AZIN1: variants seen among roughly 807,000 people sequenced by gnomAD.
AZIN1 encodes antizyme inhibitor 1.
A neutral mutation model predicts 47.4 loss-of-function variants in AZIN1; 12 were observed. The ratio of observed to expected loss-of-function variants is 0.25; its 90% CI spans 0.16 to 0.41. AZIN1 has a LOEUF of 0.41. AZIN1 is among the 10% of genes least tolerant of loss of function. AZIN1 has a pLI of 1.00. For missense variants in AZIN1, 410 were observed against 532.4 expected, an observed-to-expected ratio of 0.77 and a Z score of 2.26; for synonymous variants, 155 against 176.3, an observed-to-expected ratio of 0.88 and a Z score of 0.96.
rs1277280285 is a variant in AZIN1 at position 102,829,149 on chromosome 8, C to T, written c.1235+123G>A. ...ACAAATTCCCATCATTAAGTAACTA[C>T]ACTGTATAGGCAATACATGACTGTA... On this transcript the variant is annotated intron_variant, in intron 11 of 11. Transcript: ENST00000337198. 2.2e-5 allele frequency: 18 copies of T among 821,682 alleles called. No homozygotes were observed. In the Admixed American group the frequency reaches 2.9e-4, roughly 13 times the overall value. The allele number at this position is 821,682 out of a possible 1,614,324, so 50.9% of individuals were successfully genotyped here.
chr8:102,852,480 C>T (rs1812974472), intron 2 of AZIN1, among the ~76,000 whole-genome samples: 1 of 152,042 alleles, frequency 6.6e-6, no homozygotes, highest in African/African-American at 2.4e-5. Context: ...GAGGCTGAGG[C>T]AGGAGAATTG....
In AZIN1 at chr8:102,827,226, T is replaced by C. The variant is rs748417844; in HGVS notation, c.*1341A>G. The C allele has an allele frequency of 6.6e-6, 1 of 152,576 alleles. No individual in the cohort carries two copies. Among genetic ancestry groups the C allele is most frequent in the African/African-American group, 2.4e-5 (1 of 41,456 alleles). The allele number at this position is 152,576 out of a possible 1,614,324, so 9.5% of individuals were successfully genotyped here. A position where few individuals can be genotyped will look rare whatever the true frequency, so the allele number is the denominator to read the frequency against. On this transcript the variant is annotated 3_prime_UTR_variant, in exon 12 of 12. Transcript: ENST00000337198. ...AGGAAAAAATGACCCCTGTTGTTTA[T>C]TACTATTGTGATTCTGAGATCTAGG...
intron 4 of AZIN1, among the ~76,000 whole-genome samples, 180 bp from the exon 5 acceptor site, chr8:102,839,096 G>A (rs1056498677): frequency 6.6e-6 from 1 of 152,206 alleles, no homozygotes; most frequent in Non-Finnish European, 1.5e-5. Flanking sequence ...GGCTGCTCAA[G>A]TGATCCTCCT....
At chr8:102,834,093 A>T in intron 8 of AZIN1, 96 bp downstream of exon 8, 1 of 936,982 alleles carries the variant, frequency 1.1e-6, no homozygotes, top group Non-Finnish European at 1.7e-6. Context: ...TATAGGGTTT[A>T]GTTTCTGCCA....
At chr8:102,857,990 C>A (rs1813400480) in intron 2 of AZIN1, 23 bp downstream of exon 2, 3 of 398,934 alleles carry the variant, frequency 7.5e-6, no homozygotes, top group Non-Finnish European at 1.3e-5. Context: ...CTCCTCCCCA[C>A]CAACAAATGT....
At position 102,850,285 on chromosome 8, in the gene AZIN1, T is replaced by G. The variant is rs116414656; in HGVS notation, c.-95-6538A>C. 4.4e-3 allele frequency: 668 copies of G among 152,350 alleles called. 5 individuals are homozygous for G. The highest frequency in any genetic ancestry group is 0.015 in the African/African-American group (638 of 41,576). The allele number at this position is 152,350 out of a possible 1,614,324, so 9.4% of individuals were successfully genotyped here. On this transcript the variant is annotated intron_variant, in intron 2 of 11. Coordinates refer to ENST00000337198, the MANE Select transcript of AZIN1 (RefSeq NM_148174.4). The stretch of plus-strand genomic sequence containing the variant: ...AAATGAGAAAAGATATTCTGAAATT[T>G]ACACTATTACTGTTACTCTGAAGAT...
chr8:102,859,099 C>T (rs555173711), intron 1 of AZIN1: 1 of 149,966 alleles, frequency 6.7e-6, no homozygotes, highest in Non-Finnish European at 1.5e-5. Context: ...GATCAAGGCA[C>T]TCCTGGTGGA....
intron 9 of AZIN1, among the ~76,000 whole-genome samples, chr8:102,832,758 A>G (rs925058798): frequency 6.6e-6 from 1 of 151,770 alleles, no homozygotes; most frequent in Non-Finnish European, 1.5e-5. Context: ...TTTGTGCCTC[A>G]GCCTCCCGAG....
At chr8:102,839,426 T>C (rs1463954329) in intron 4 of AZIN1, among the ~76,000 whole-genome samples, 1 of 152,182 alleles carries the variant, frequency 6.6e-6, no homozygotes, top group African/African-American at 2.4e-5. Context: ...AGTTTTCAAT[T>C]AATAAAGATA....
chr8:102,839,183 CATAA>C (rs976878793), intron 4 of AZIN1, among the ~76,000 whole-genome samples: 1 of 152,086 alleles, frequency 6.6e-6, no homozygotes, highest in African/African-American at 2.4e-5. Flanking sequence ...TATTTAAAAA[CATAA>C]ATAAATAAAA....
rs187637518 is a variant in AZIN1, at chr8:102,836,496, C to T, written c.450-106G>A. The T allele has an allele frequency of 5.5e-4, 685 of 1,242,072 alleles. 3 individuals carry two copies. The highest frequency in any genetic ancestry group is 6.6e-4 in the Non-Finnish European group (576 of 874,684). The allele number at this position is 1,242,072 out of a possible 1,614,324, so 76.9% of individuals were successfully genotyped here. On this transcript the variant is annotated intron_variant, in intron 5 of 11. Transcript: ENST00000337198. ...GTGTTGATTATGTTGCCAGTGCTCC[C>T]AAATCCAGCGACGGATGAATCAAGT...
rs145369291 is a variant in AZIN1 at position 102,838,876 on chromosome 8, T to C, written c.317A>G (p.Glu106Gly). 81 of 1,613,504 alleles carry C rather than the reference T, an allele frequency of 5.0e-5. No homozygotes were observed. The highest frequency in any genetic ancestry group is 6.5e-5 in the Non-Finnish European group (77 of 1,179,856). Residue 106 changes from glutamate (E) to glycine (G), a missense_variant, in exon 5 of 12, where the codon GAA becomes GGA. Transcript: ENST00000337198. The part of the protein sequence containing the change: ...ALVQELGVPP[E>G]NIIYISPCKQ... ...GCAAGGACTTATGTAAATAATGTTT[T>C]CTGGAGGTACACCCAACTCTTGCAC...
rs1320910962 is a variant in AZIN1, at chr8:102,826,540, T to C, written c.*2027A>G. On this transcript the variant is annotated 3_prime_UTR_variant, in exon 12 of 12. Coordinates refer to ENST00000337198, the MANE Select transcript of AZIN1 (RefSeq NM_148174.4). ...TTTTAGCATACCAAATTGAAATACA[T>C]AGGTTCAAATTTCAGATTTATGGCA... The C allele has an allele frequency of 6.6e-6, 1 of 152,664 alleles. No individual in the cohort carries two copies. Among genetic ancestry groups the C allele is most frequent in the Non-Finnish European group, 1.5e-5 (1 of 68,032 alleles). The allele number at this position is 152,664 out of a possible 1,614,324, so 9.5% of individuals were successfully genotyped here.
chr8:102,853,304 A>G (rs1005568089), intron 2 of AZIN1, among the ~76,000 whole-genome samples: 8 of 152,254 alleles, frequency 5.3e-5, no homozygotes, highest in African/African-American at 9.6e-5. Context: ...GGAGTTCGAG[A>G]CAAGTCTGAC....
At chr8:102,831,479 A>T (rs1811455614) in intron 9 of AZIN1, among the ~76,000 whole-genome samples, 1 of 151,196 alleles carries the variant, frequency 6.6e-6, no homozygotes, top group African/African-American at 2.4e-5. Context: ...TTAAATTAAA[A>T]AAAAAAAAAA....
At chr8:102,831,309 CAAT>C (rs1434975437) in intron 9 of AZIN1, among the ~76,000 whole-genome samples, 1 of 151,838 alleles carries the variant, frequency 6.6e-6, no homozygotes, top group East Asian at 1.9e-4. Context: ...CTAATATAAA[CAAT>C]AATGAAGTTA....
At chr8:102,834,922 G>T in intron 6 of AZIN1, 175 bp from the exon 7 acceptor site, 1 of 537,408 alleles carries the variant, frequency 1.9e-6, no homozygotes, top group Non-Finnish European at 3.3e-6. Context: ...TACAGTACCA[G>T]CTTTATAGAA....
At chr8:102,854,622 A>AT (rs1813162585) in intron 2 of AZIN1, 1 of 139,950 alleles carries the variant, frequency 7.1e-6, no homozygotes, top group African/African-American at 2.6e-5. Context: ...ATATATATAT[A>AT]TATATTTTTT....
In AZIN1 at chr8:102,834,707, C is replaced by G; in HGVS notation, c.625G>C (p.Val209Leu). The G allele has an allele frequency of 1.9e-6, 3 of 1,612,306 alleles. No individual in the cohort carries two copies. Among genetic ancestry groups the G allele is most frequent in the Non-Finnish European group, 2.5e-6 (3 of 1,178,992 alleles). Reference sequence around the variant, plus strand: ...CATCGAGCATCAGATAGAGCATGTACATATACTTGAGATTCTTTGCAAGCA... The same window carrying G: ...CATCGAGCATCAGATAGAGCATGTAGATATACTTGAGATTCTTTGCAAGCA... ...SSACKESQVYVHALSDARCVF... is the reference protein window; with the variant it reads ...SSACKESQVYLHALSDARCVF... Residue 209 changes from valine to leucine, a missense_variant, in exon 7 of 12, where the codon GTA becomes CTA. Val to Leu is a conservative substitution (Grantham distance 32). This residue lies in a region of AZIN1 where 237 missense variants were observed against 309.4 expected (regional missense o/e 0.77). Coordinates refer to ENST00000337198, the MANE Select transcript of AZIN1 (RefSeq NM_148174.4).
Sources: gnomAD v4.1 joint callset for allele counts (sites outside exome capture counted in the v4.1 genomes callset) on GRCh38, gnomAD v4.1.1 for gene constraint, gnomAD v4.1.1 regional missense constraint, MANE v1.5 for transcripts, NCBI Gene and HGNC (gene_info 2026-07-23, HGNC 2026-07-21) for gene names.